Variants in PEX5L observed in about 807,000 individuals in gnomAD.
The protein encoded by PEX5L is PEX5-related protein.
PEX5L carries 30 observed loss-of-function variants against 84.0 expected under a neutral mutation model. That is an observed-to-expected ratio of 0.36 (90% CI 0.27 to 0.48). PEX5L has a LOEUF of 0.48. Among genes scored for constraint, PEX5L ranks in the 20% least tolerant of loss-of-function variants. PEX5L has a pLI of 0.99. For missense variants in PEX5L, 533 were observed against 754.6 expected (o/e 0.71, Z 3.44); for synonymous variants, 270 against 283.1 (o/e 0.95, Z 0.46).
chr3:180,027,113 G>A (rs980236698), intron 1 of PEX5L, among the ~76,000 whole-genome samples: 1 of 128,556 alleles, frequency 7.8e-6, no homozygotes, highest in South Asian at 2.3e-4. Context: ...GGGTTTCTGT[G>A]GGCAGCAGCA....
intron 2 of PEX5L, among the ~76,000 whole-genome samples, chr3:179,909,606 C>G (rs945472721): frequency 1.3e-5 from 2 of 152,172 alleles, no homozygotes; most frequent in African/African-American, 4.8e-5. Context: ...CTGTCAGGAG[C>G]TGAGTTGTGT....
intron 2 of PEX5L, among the ~76,000 whole-genome samples, chr3:179,942,603 G>T (rs990216167): frequency 6.6e-5 from 10 of 152,234 alleles, no homozygotes; most frequent in African/African-American, 1.9e-4. Context: ...CTCGACCCAG[G>T]CGCATGAGAC....
intron 1 of PEX5L, among the ~76,000 whole-genome samples, chr3:180,016,317 T>C (rs1313525071): frequency 6.6e-6 from 1 of 152,210 alleles, no homozygotes; most frequent in Non-Finnish European, 1.5e-5. Context: ...TCCTATTAAT[T>C]GGATGTCAGC....
intron 3 of PEX5L, among the ~76,000 whole-genome samples, chr3:179,896,590 G>C (rs774073352): frequency 6.6e-6 from 1 of 152,122 alleles, no homozygotes; most frequent in African/African-American, 2.4e-5. Flanking sequence ...AAGATTATCA[G>C]AAAGTACACA....
At chr3:179,930,257 C>T (rs1035353481) in intron 2 of PEX5L, among the ~76,000 whole-genome samples, 5 of 151,600 alleles carry the variant, frequency 3.3e-5, no homozygotes, top group African/African-American at 7.3e-5. Context: ...TTATCAACTG[C>T]TTTGTATACC....
chr3:179,852,157 C>G (rs1348946458), intron 8 of PEX5L, among the ~76,000 whole-genome samples: 2 of 152,148 alleles, frequency 1.3e-5, no homozygotes, highest in East Asian at 3.9e-4. Context: ...ATGGCCTGAC[C>G]TGGGGTCTTT....
intron 1 of PEX5L, among the ~76,000 whole-genome samples, chr3:180,020,347 C>G (rs992887147): frequency 6.6e-6 from 1 of 151,718 alleles, no homozygotes; most frequent in African/African-American, 2.4e-5. Context: ...CAGCTTCTCC[C>G]CCAATAAAAT....
At chr3:179,855,664 G>A (rs936893814) in intron 8 of PEX5L, among the ~76,000 whole-genome samples, 2 of 152,152 alleles carry the variant, frequency 1.3e-5, no homozygotes, top group African/African-American at 4.8e-5. Context: ...ATATTAAGAG[G>A]TAGGGCCTTT....
At chr3:180,035,752 C>T (rs960904809) in intron 1 of PEX5L, among the ~76,000 whole-genome samples, 2 of 152,172 alleles carry the variant, frequency 1.3e-5, no homozygotes, top group African/African-American at 4.8e-5. Flanking sequence ...AACATCAAAC[C>T]TGATGACTAA....
At chr3:179,845,822 C>T (rs1739107154) in intron 8 of PEX5L, among the ~76,000 whole-genome samples, 1 of 152,172 alleles carries the variant, frequency 6.6e-6, no homozygotes, top group Non-Finnish European at 1.5e-5. Flanking sequence ...TGGCCTGTGA[C>T]ATTTCACAGG....
chr3:179,862,003 AG>A (rs1746349617), intron 7 of PEX5L, among the ~76,000 whole-genome samples: 1 of 152,226 alleles, frequency 6.6e-6, no homozygotes, highest in African/African-American at 2.4e-5. Context: ...TTGAAAGGAC[AG>A]AAATTTATTC....
chr3:179,938,393 G>T (rs1775180364), intron 2 of PEX5L, among the ~76,000 whole-genome samples: 1 of 152,188 alleles, frequency 6.6e-6, no homozygotes, highest in Non-Finnish European at 1.5e-5. Flanking sequence ...TTGTGCATCT[G>T]CACAAAAGGC....
intron 1 of PEX5L, among the ~76,000 whole-genome samples, chr3:179,994,518 G>A (rs1353235303): frequency 6.6e-6 from 1 of 152,136 alleles, no homozygotes; most frequent in East Asian, 1.9e-4. Flanking sequence ...CCAGAGTAAA[G>A]TGTTTAGGGC....
At chr3:179,816,436 A>T (rs1428770602) in intron 9 of PEX5L, among the ~76,000 whole-genome samples, 4 of 152,204 alleles carry the variant, frequency 2.6e-5, no homozygotes, top group Non-Finnish European at 5.9e-5. Context: ...TGTCCTTTTC[A>T]GGGACATGGA....
chr3:179,877,929 G>A (rs1295135009), intron 5 of PEX5L, among the ~76,000 whole-genome samples: 2 of 152,188 alleles, frequency 1.3e-5, no homozygotes, highest in African/African-American at 2.4e-5. Context: ...CCACTAGTTT[G>A]AACAATGGCT....
chr3:179,878,833 C>A (rs1312348683), intron 5 of PEX5L, among the ~76,000 whole-genome samples: 2 of 152,124 alleles, frequency 1.3e-5, no homozygotes, highest in African/African-American at 4.8e-5. Flanking sequence ...TTATTATAAT[C>A]ATTTAATCAT....
At chr3:179,848,880 A>G (rs1157225979) in intron 8 of PEX5L, among the ~76,000 whole-genome samples, 1 of 152,132 alleles carries the variant, frequency 6.6e-6, no homozygotes, top group African/African-American at 2.4e-5. Flanking sequence ...TCTGAGTCAG[A>G]GCTTTTAGGA....
At chr3:179,901,819 T>C (rs1351347833) in intron 2 of PEX5L, 9 of 152,260 alleles carry the variant, frequency 5.9e-5, no homozygotes, top group Non-Finnish European at 1.3e-4. Context: ...TAGGTTCTAT[T>C]ATAAGAGCAG....
chr3:180,031,041 AT>A (rs1015206607), intron 1 of PEX5L, among the ~76,000 whole-genome samples: 57 of 152,018 alleles, frequency 3.7e-4, no homozygotes, highest in African/African-American at 1.4e-3. Flanking sequence ...AGTTTGATCC[AT>A]TTAGTGAAAT....
Sources: gnomAD v4.1 joint callset for allele counts (sites outside exome capture counted in the v4.1 genomes callset) on GRCh38, gnomAD v4.1.1 for gene constraint, MANE v1.5 for transcripts, NCBI Gene and HGNC (gene_info 2026-07-23, HGNC 2026-07-21) for gene names.